GPN3: variants seen among roughly 807,000 people sequenced by gnomAD.
The protein encoded by GPN3 is ATP-binding domain 1 family member C.
Under a neutral mutation model 38.7 loss-of-function variants are expected in GPN3, and 31 were observed. That is an observed-to-expected ratio of 0.80 (90% CI 0.60 to 1.08). The LOEUF (loss-of-function observed/expected upper bound fraction) is 1.08, where lower values mean the gene tolerates loss of function less well. Ranked by LOEUF, GPN3 falls within the 50% of genes least tolerant of loss-of-function variation. GPN3 has a pLI of 0.00. For missense variants in GPN3, 301 were observed against 354.4 expected (o/e 0.85, Z 1.21); for synonymous variants, 116 against 120.2 (o/e 0.96, Z 0.23).
intron 2 of GPN3, among the ~76,000 whole-genome samples, chr12:110,464,591 CTTT>C (rs890127843): frequency 2.2e-5 from 3 of 134,338 alleles, no homozygotes; most frequent in African/African-American, 2.7e-5. Context: ...TGTCCATTTA[CTTT>C]TTTTTTTTTT....
intron 2 of GPN3, among the ~76,000 whole-genome samples, chr12:110,463,996 T>C (rs1161123458): frequency 6.6e-6 from 1 of 151,956 alleles, no homozygotes; most frequent in Admixed American, 6.6e-5. Flanking sequence ...CTCCAGGCTA[T>C]TTATTTATTT....
chr12:110,453,151 CTAGTATGTGTTT>C, intron 7 of GPN3, 55 bp from the exon 8 acceptor site: 1 of 845,974 alleles, frequency 1.2e-6, no homozygotes, highest in Middle Eastern at 2.3e-4. Flanking sequence ...TCAGTCAGAA[CTAGTATGTGTTT>C]ATATATTTTT....
At chr12:110,457,416 C>G in intron 4 of GPN3, 94 bp downstream of exon 4, 1 of 1,087,786 alleles carries the variant, frequency 9.2e-7, no homozygotes, top group Non-Finnish European at 1.2e-6. Flanking sequence ...CACGCCACTG[C>G]GCTCCAGCCT....
At chr12:110,466,149 C>G (rs1030746196) in intron 1 of GPN3, among the ~76,000 whole-genome samples, 3 of 151,706 alleles carry the variant, frequency 2.0e-5, no homozygotes, top group African/African-American at 4.8e-5. Context: ...GTGTCTTATT[C>G]AGTTTCCCAA....
intron 2 of GPN3, chr12:110,461,425 A>G: frequency 1.7e-6 from 1 of 589,220 alleles, no homozygotes; most frequent in Non-Finnish European, 3.0e-6. Flanking sequence ...CTCCATCTCA[A>G]ACAAAAACAA....
upstream of GPN3, chr12:110,468,380 GA>G: frequency 3.3e-6 from 5 of 1,520,864 alleles, no homozygotes; most frequent in Non-Finnish European, 4.4e-6. Flanking sequence ...CGCGTCCTGA[GA>G]AAAAAGGGGA....
chr12:110,461,047 G>C, intron 2 of GPN3: 1 of 1,589,114 alleles, frequency 6.3e-7, no homozygotes. Flanking sequence ...TCAACGAAGT[G>C]GTAACCCGAG....
At chr12:110,461,272 T>A (rs1592965158) in intron 2 of GPN3, 1 of 1,310,200 alleles carries the variant, frequency 7.6e-7, no homozygotes, top group East Asian at 2.3e-5. Context: ...GTAATGAGGA[T>A]GAAGATTCAC....
At position 110,453,735 on chromosome 12, in the gene GPN3, G is replaced by C. The variant is rs762546639; in HGVS notation, c.792+8C>G. The C allele has an allele frequency of 6.2e-7, 1 of 1,605,872 alleles. No homozygotes were observed. The highest frequency in any genetic ancestry group is 8.5e-7 in the Non-Finnish European group (1 of 1,172,866). ...AAAAGCTAACAAACACCCCAAACCAGAAATTACCTTTGGTTCTTTAAATTC... is the reference window on the plus strand; with the variant it reads ...AAAAGCTAACAAACACCCCAAACCACAAATTACCTTTGGTTCTTTAAATTC... On this transcript the variant is annotated splice_region_variant and intron_variant, in intron 7 of 7. Coordinates refer to ENST00000228827, the MANE Select transcript of GPN3 (RefSeq NM_016301.4).
chr12:110,456,749 TGCGATCTTG>T (rs1317417685), intron 4 of GPN3, among the ~76,000 whole-genome samples: 2 of 151,126 alleles, frequency 1.3e-5, no homozygotes, highest in African/African-American at 2.4e-5. Context: ...TGTGCAATGG[TGCGATCTTG>T]GCGATCTTGG....
intron 2 of GPN3, chr12:110,461,142 T>C (rs2062585301): frequency 7.6e-7 from 1 of 1,314,078 alleles, no homozygotes; most frequent in Non-Finnish European, 1.1e-6. Flanking sequence ...ATTCAGAAAT[T>C]TGCCATGAAG....
chr12:110,461,109 G>A (rs2062584943), intron 2 of GPN3: 5 of 1,371,316 alleles, frequency 3.6e-6, no homozygotes, highest in African/African-American at 2.9e-5. Context: ...TTCAAGAAGC[G>A]TGCCCCTCAG....
upstream of GPN3, chr12:110,468,462 GC>G: frequency 6.5e-7 from 1 of 1,537,028 alleles, no homozygotes; most frequent in Non-Finnish European, 8.7e-7. Context: ...TGCTGTCTAA[GC>G]TTGGATACCT....
At position 110,457,569 on chromosome 12, in the gene GPN3, C is replaced by G; in HGVS notation, c.391G>C (p.Glu131Gln). The change falls in exon 4 of 8, where the codon GAG becomes CAG. Residue 131 changes from glutamate (E) to glutamine (Q), a missense_variant. Transcript: ENST00000228827. ...AGAAAAACTCCACAGACTCGGAACTCCCACTGCTCGAGCTGCTGGACCAGC... is the reference window on the plus strand; with the variant it reads ...AGAAAAACTCCACAGACTCGGAACTGCCACTGCTCGAGCTGCTGGACCAGC... The part of the protein sequence containing the change: ...KQLVQQLEQW[E>Q]FRVCGVFLVD... 1 of 1,611,762 alleles carries G rather than the reference C, an allele frequency of 6.2e-7. No homozygotes were observed. The highest frequency in any genetic ancestry group is 8.5e-7 in the Non-Finnish European group (1 of 1,178,276).
At chr12:110,464,889 G>C in intron 2 of GPN3, 1 of 528,356 alleles carries the variant, frequency 1.9e-6, no homozygotes, top group Non-Finnish European at 3.4e-6. Context: ...CTCCGCGCCC[G>C]GCCCCATTTA....
chr12:110,461,435 A>C, intron 2 of GPN3: 5 of 577,966 alleles, frequency 8.7e-6, no homozygotes, highest in Admixed American at 3.2e-5. Context: ...AACAAAAACA[A>C]ACAAAAATAG....
At chr12:110,465,825 C>CCAGT (rs2062623436) in intron 1 of GPN3, among the ~76,000 whole-genome samples, 1 of 152,092 alleles carries the variant, frequency 6.6e-6, no homozygotes. Context: ...ACCTGTAATC[C>CCAGT]CAGTACTTTG....
At chr12:110,453,716 T>C (rs1177021872) in intron 7 of GPN3, 27 bp downstream of exon 7, 1 of 1,589,546 alleles carries the variant, frequency 6.3e-7, no homozygotes, top group Non-Finnish European at 8.6e-7. Flanking sequence ...TATCAAAAGC[T>C]AACAAACACC....
chr12:110,461,377 T>C lies in GPN3; in HGVS notation c.158-1515A>G, dbSNP rs1033246280. 3.8e-5 allele frequency: 23 copies of C among 602,558 alleles called. No individual in the cohort carries two copies. The African/African-American group carries it at 4.3e-4, about 11-fold the overall frequency. The allele number at this position is 602,558 out of a possible 1,614,324, so 37.3% of individuals were successfully genotyped here. On this transcript the variant is annotated intron_variant, in intron 2 of 7. Transcript: ENST00000228827. ...TGAGAACTAATCACTGATCGTCAAA[T>C]ACATCAAATAAAGTTATAAAATTGA...
Sources: allele counts gnomAD v4.1 joint callset (sites outside exome capture counted in the v4.1 genomes callset), GRCh38; gene constraint gnomAD v4.1.1; transcripts MANE v1.5; gene names NCBI Gene and HGNC (gene_info 2026-07-23, HGNC 2026-07-21).